Variants in LYPLAL1 observed in about 807,000 individuals in gnomAD.
LYPLAL1 encodes lysophospholipase like 1.
LYPLAL1 carries 23 observed loss-of-function variants against 19.7 expected under a neutral mutation model. The ratio of observed to expected loss-of-function variants is 1.17; its 90% confidence interval spans 0.84 to 1.65. The LOEUF (loss-of-function observed/expected upper bound fraction) is 1.65, where lower values mean the gene tolerates loss of function less well. Ranked by LOEUF, LYPLAL1 falls within the 40% of genes most tolerant of loss-of-function variation. The probability of loss-of-function intolerance (pLI) is 0.00; values close to 1 mark genes in which losing one functional copy is unlikely to be tolerated. For missense variants in LYPLAL1, 355 were observed against 279.4 expected (o/e 1.27, Z -1.93); for synonymous variants, 119 against 96.3 (o/e 1.24, Z -1.38).
the LYPLAL1 span, chr1:219,225,343 T>C: frequency 2.0e-5 from 3 of 152,322 alleles, no homozygotes; most frequent in Admixed American, 6.5e-5. Context: ...AGATTTAATA[T>C]AAAGAGCCCA....
chr1:219,357,091 ATGT>A, the LYPLAL1 span, among the ~76,000 whole-genome samples: 4 of 152,194 alleles, frequency 2.6e-5, no homozygotes, highest in Admixed American at 6.5e-5. Flanking sequence ...GAATGTCCAA[ATGT>A]TATTATTGGG....
Position 219,198,470 on chromosome 1 carries a change from A to G in LYPLAL1, c.361+5219A>G, listed in dbSNP as rs1360772500. 4 of 152,224 alleles carry G rather than the reference A, an allele frequency of 2.6e-5. No homozygotes were observed. The East Asian group carries it at 7.7e-4, about 29-fold the overall frequency. 9.4% of individuals were successfully genotyped at this position (152,224 alleles called of 1,614,324 possible). On this transcript the variant is annotated intron_variant, in intron 3 of 4. Coordinates refer to ENST00000366928, the MANE Select transcript of LYPLAL1 (RefSeq NM_138794.5). ...AATTTACAGTAATTAAGATTTTATC[A>G]TGATTACACATTTGATATATTTTTT...
chr1:219,264,806 C>A, the LYPLAL1 span, among the ~76,000 whole-genome samples: 1 of 152,134 alleles, frequency 6.6e-6, no homozygotes, highest in Non-Finnish European at 1.5e-5. Context: ...AGTTTAGATT[C>A]TACTAGAGCA....
chr1:219,265,519 G>A, the LYPLAL1 span, among the ~76,000 whole-genome samples: 1 of 152,076 alleles, frequency 6.6e-6, no homozygotes, highest in Non-Finnish European at 1.5e-5. Context: ...AGTTATAGAT[G>A]ACAATTAAAA....
chr1:219,290,523 A>G, the LYPLAL1 span, among the ~76,000 whole-genome samples: 1 of 152,172 alleles, frequency 6.6e-6, no homozygotes, highest in Non-Finnish European at 1.5e-5. Context: ...AAGAAAAGTA[A>G]CCCTTTATCA....
At chr1:219,183,655 A>G (rs2125039038) in intron 2 of LYPLAL1, among the ~76,000 whole-genome samples, 1 of 151,980 alleles carries the variant, frequency 6.6e-6, no homozygotes, top group African/African-American at 2.4e-5. Flanking sequence ...TTGTTCTTGA[A>G]TTTCAGTTAA....
chr1:219,324,240 G>A, the LYPLAL1 span, among the ~76,000 whole-genome samples: 1 of 152,182 alleles, frequency 6.6e-6, no homozygotes, highest in Admixed American at 6.5e-5. Flanking sequence ...TGGGTTAAAG[G>A]CCCTGAATTT....
chr1:219,364,847 C>A, the LYPLAL1 span, among the ~76,000 whole-genome samples: 1 of 152,182 alleles, frequency 6.6e-6, no homozygotes, highest in East Asian at 1.9e-4. Context: ...CATCAAAAGT[C>A]AAGTTACTTG....
At chr1:219,232,042 T>G in the LYPLAL1 span, among the ~76,000 whole-genome samples, 1 of 152,222 alleles carries the variant, frequency 6.6e-6, no homozygotes, top group African/African-American at 2.4e-5. Flanking sequence ...TCTGCCACAG[T>G]CATTTTCATA....
the LYPLAL1 span, among the ~76,000 whole-genome samples, chr1:219,363,735 G>A: frequency 3.2e-4 from 49 of 152,266 alleles, no homozygotes; most frequent in African/African-American, 1.2e-3. Flanking sequence ...TAGCCACACT[G>A]ACCTGCTGAG....
chr1:219,331,842 A>G, the LYPLAL1 span, among the ~76,000 whole-genome samples: 1 of 152,166 alleles, frequency 6.6e-6, no homozygotes, highest in Non-Finnish European at 1.5e-5. Flanking sequence ...AGAAGGCCAC[A>G]CAACATCTTT....
chr1:219,327,538 C>T, the LYPLAL1 span, among the ~76,000 whole-genome samples: 1 of 151,792 alleles, frequency 6.6e-6, no homozygotes, highest in Non-Finnish European at 1.5e-5. Flanking sequence ...TGGATTTCAT[C>T]TGATCAGCAA....
At chr1:219,325,474 A>G in the LYPLAL1 span, among the ~76,000 whole-genome samples, 2 of 152,170 alleles carry the variant, frequency 1.3e-5, no homozygotes, top group Non-Finnish European at 2.9e-5. Flanking sequence ...GAAGACCACT[A>G]TAGTAGACTT....
chr1:219,440,612 G>A, the LYPLAL1 span, among the ~76,000 whole-genome samples: 1 of 152,056 alleles, frequency 6.6e-6, no homozygotes, highest in African/African-American at 2.4e-5. Context: ...AGTTAATAAT[G>A]GCTATAGAAA....
At chr1:219,405,281 C>T in the LYPLAL1 span, among the ~76,000 whole-genome samples, 1 of 152,162 alleles carries the variant, frequency 6.6e-6, no homozygotes, top group African/African-American at 2.4e-5. Flanking sequence ...GTAGATAACA[C>T]CACCAAATAA....
chr1:219,292,768 T>C, the LYPLAL1 span, among the ~76,000 whole-genome samples: 1 of 152,158 alleles, frequency 6.6e-6, no homozygotes, highest in East Asian at 1.9e-4. Context: ...CGTAAGAAGG[T>C]TATTATAAAA....
Position 219,173,996 on chromosome 1 carries a change from T to C in LYPLAL1, c.91+15T>C. The C allele has an allele frequency of 6.2e-7, 1 of 1,614,070 alleles. No individual in the cohort carries two copies. The highest frequency in any genetic ancestry group is 8.5e-7 in the Non-Finnish European group (1 of 1,179,966). ...GCATGGCTCAGGTGGATTTCAATTT[T>C]ACGTCCTGGTTTTCTACAGCTCGGG... is the stretch of plus-strand genomic sequence containing the variant. On this transcript the variant is annotated intron_variant, in intron 1 of 4. Coordinates refer to ENST00000366928, the MANE Select transcript of LYPLAL1 (RefSeq NM_138794.5).
At chr1:219,295,104 C>T in the LYPLAL1 span, among the ~76,000 whole-genome samples, 4 of 152,180 alleles carry the variant, frequency 2.6e-5, no homozygotes, top group Non-Finnish European at 5.9e-5. Context: ...ACAGCATCCA[C>T]TACAGACTTA....
the LYPLAL1 span, among the ~76,000 whole-genome samples, chr1:219,300,266 AG>A: frequency 6.6e-6 from 1 of 152,276 alleles, no homozygotes; most frequent in South Asian, 2.1e-4. Context: ...TACAGGTGTG[AG>A]CCACTGTGCC....
Sources: allele counts gnomAD v4.1 joint callset (sites outside exome capture counted in the v4.1 genomes callset), GRCh38; gene constraint gnomAD v4.1.1; transcripts MANE v1.5; gene names NCBI Gene and HGNC (gene_info 2026-07-23, HGNC 2026-07-21).